Variants in CAMK1D observed in about 807,000 individuals in gnomAD.
CAMK1D encodes the protein calcium/calmodulin dependent protein kinase ID, also known as calcium/calmodulin-dependent protein kinase type 1D.
Under a neutral mutation model 47.7 loss-of-function variants are expected in CAMK1D, and 9 were observed. That is an observed-to-expected ratio of 0.19 (90% CI 0.11 to 0.33). The LOEUF (loss-of-function observed/expected upper bound fraction) is 0.33, where lower values mean the gene tolerates loss of function less well. Ranked by LOEUF, CAMK1D falls within the 10% of genes least tolerant of loss-of-function variation. CAMK1D has a pLI of 1.00. For missense variants in CAMK1D, 291 were observed against 488.7 expected (o/e 0.60, Z 3.81); for synonymous variants, 184 against 184.9 (o/e 0.99, Z 0.04).
intron 1 of CAMK1D, among the ~76,000 whole-genome samples, chr10:12,417,348 A>G (rs145703340): frequency 2.4e-3 from 363 of 152,344 alleles, no homozygotes; most frequent in African/African-American, 8.0e-3. Flanking sequence ...AGGTTTGAAC[A>G]GACTGTCAAT....
chr10:12,575,465 C>T (rs1375830021), intron 2 of CAMK1D, among the ~76,000 whole-genome samples: 2 of 152,286 alleles, frequency 1.3e-5, no homozygotes, highest in Non-Finnish European at 2.9e-5. Context: ...AAATGTCCAT[C>T]TCTGGAATCC....
chr10:12,351,650 CG>C (rs1837358610), intron 1 of CAMK1D, among the ~76,000 whole-genome samples: 1 of 152,182 alleles, frequency 6.6e-6, no homozygotes, highest in African/African-American at 2.4e-5. Context: ...TCTGCAGTGG[CG>C]GGGCTGCTGA....
chr10:12,828,676 C>A, intron 10 of CAMK1D, 93 bp from the exon 11 acceptor site: 3 of 1,013,022 alleles, frequency 3.0e-6, no homozygotes, highest in Non-Finnish European at 4.5e-6. Flanking sequence ...CCGCCCCCCA[C>A]CATAAACCCA....
rs1838299635 is a variant in CAMK1D at position 12,380,161 on chromosome 10, G to A, written c.92+30251G>A. Among the ~76,000 whole-genome samples, 4 of 152,104 alleles carry A rather than the reference G, an allele frequency of 2.6e-5. No individual in the cohort carries two copies. In the South Asian group the frequency reaches 8.3e-4, roughly 31 times the overall value. Reference sequence around the variant, plus strand: ...ACCTGGGAGGTGGAGCTTGCAGTGAGCCAAGATGGCACCACTGCACTCCAG... The same window carrying A: ...ACCTGGGAGGTGGAGCTTGCAGTGAACCAAGATGGCACCACTGCACTCCAG... On this transcript the variant is annotated intron_variant, in intron 1 of 10. Coordinates refer to ENST00000619168, the MANE Select transcript of CAMK1D (RefSeq NM_153498.4).
intron 7 of CAMK1D, among the ~76,000 whole-genome samples, chr10:12,814,744 G>A (rs1354154480): frequency 4.0e-5 from 6 of 151,726 alleles, no homozygotes; most frequent in Non-Finnish European, 7.4e-5. Flanking sequence ...CATTGGTTGG[G>A]ATTTCAGCAT....
chr10:12,698,248 G>C (rs1284560572), intron 3 of CAMK1D, among the ~76,000 whole-genome samples: 1 of 152,098 alleles, frequency 6.6e-6, no homozygotes, highest in Non-Finnish European at 1.5e-5. Flanking sequence ...TTTAAAAATA[G>C]CCTCATCCTC....
chr10:12,393,823 G>A (rs1193837666), intron 1 of CAMK1D, among the ~76,000 whole-genome samples: 3 of 152,198 alleles, frequency 2.0e-5, no homozygotes, highest in Admixed American at 2.0e-4. Context: ...CATCAAGGGC[G>A]GGAGGTGAAG....
intron 1 of CAMK1D, among the ~76,000 whole-genome samples, chr10:12,523,872 T>G (rs7078582): frequency 0.22 from 34,083 of 152,072 alleles, 4,087 homozygotes; most frequent in South Asian, 0.27. Context: ...TGTTTATGTG[T>G]GTGTGTTTTG....
At chr10:12,677,391 C>G (rs1840846065) in intron 3 of CAMK1D, among the ~76,000 whole-genome samples, 2 of 151,996 alleles carry the variant, frequency 1.3e-5, no homozygotes, top group African/African-American at 4.8e-5. Context: ...AATTGAACAC[C>G]TAACAGGCCT....
intron 4 of CAMK1D, among the ~76,000 whole-genome samples, chr10:12,762,330 T>G (rs1836548697): frequency 6.6e-6 from 1 of 152,152 alleles, no homozygotes; most frequent in African/African-American, 2.4e-5. Flanking sequence ...CAAAATCAAT[T>G]TAAAGAACCA....
intron 2 of CAMK1D, among the ~76,000 whole-genome samples, chr10:12,557,366 G>A (rs972651451): frequency 6.6e-6 from 1 of 151,884 alleles, no homozygotes; most frequent in African/African-American, 2.4e-5. Context: ...TGGCTAATAC[G>A]GTGAAACCCC....
intron 6 of CAMK1D, among the ~76,000 whole-genome samples, chr10:12,801,255 A>G (rs111949119): frequency 7.0e-6 from 1 of 142,390 alleles, no homozygotes; most frequent in African/African-American, 2.9e-5. Flanking sequence ...CCATCCATCC[A>G]TCCATCTGTC....
chr10:12,448,209 A>ATT (rs1201816101), intron 1 of CAMK1D, among the ~76,000 whole-genome samples: 3 of 132,466 alleles, frequency 2.3e-5, no homozygotes, highest in Non-Finnish European at 4.9e-5. Context: ...TTATTTATTT[A>ATT]TTTTTTTGTT....
chr10:12,590,283 T>C (rs1837958585), intron 2 of CAMK1D, among the ~76,000 whole-genome samples: 1 of 152,150 alleles, frequency 6.6e-6, no homozygotes, highest in African/African-American at 2.4e-5. Context: ...AGTGGCACCA[T>C]CATCGCCCAC....
At chr10:12,375,372 C>G (rs558981858) in intron 1 of CAMK1D, among the ~76,000 whole-genome samples, 10 of 152,318 alleles carry the variant, frequency 6.6e-5, no homozygotes, top group African/African-American at 2.4e-4. Flanking sequence ...GATTTCGTCT[C>G]TATAAATCAT....
At chr10:12,387,452 T>TA (rs1838562579) in intron 1 of CAMK1D, among the ~76,000 whole-genome samples, 1 of 122,480 alleles carries the variant, frequency 8.2e-6, no homozygotes, top group South Asian at 2.5e-4. Flanking sequence ...ATTTTATATA[T>TA]ATATATATAT....
intron 2 of CAMK1D, among the ~76,000 whole-genome samples, chr10:12,636,490 G>A (rs1839514890): frequency 6.6e-6 from 1 of 152,110 alleles, no homozygotes; most frequent in South Asian, 2.1e-4. Flanking sequence ...ACCACACCAG[G>A]CTATTTTTTG....
chr10:12,389,515 C>A lies in CAMK1D; in HGVS notation c.92+39605C>A, dbSNP rs573774654. Among the ~76,000 whole-genome samples the A allele has an allele frequency of 2.0e-5, 3 of 152,116 alleles. No homozygotes were observed. The South Asian group carries it at 6.2e-4, about 32-fold the overall frequency. On this transcript the variant is annotated intron_variant, in intron 1 of 10. Coordinates refer to ENST00000619168, the MANE Select transcript of CAMK1D (RefSeq NM_153498.4). ...GGTTTCATCCAGGCCTGAGTGAGAA[C>A]GTGACCTAGTTACTGTGCCTCTCTG...
chr10:12,664,210 G>A (rs1840358496), intron 2 of CAMK1D, among the ~76,000 whole-genome samples: 1 of 152,110 alleles, frequency 6.6e-6, no homozygotes, highest in Non-Finnish European at 1.5e-5. Context: ...CTTTTTGATA[G>A]CAAAACTTTA....
Sources: gnomAD v4.1 joint callset for allele counts (sites outside exome capture counted in the v4.1 genomes callset) on GRCh38, gnomAD v4.1.1 for gene constraint, MANE v1.5 for transcripts, NCBI Gene and HGNC (gene_info 2026-07-23, HGNC 2026-07-21) for gene names.